NPY2R: variants seen among roughly 807,000 people sequenced by gnomAD.
NPY2R encodes the protein neuropeptide Y receptor type 2.
NPY2R carries 17 observed loss-of-function variants against 22.3 expected under a neutral mutation model. The ratio of observed to expected loss-of-function variants is 0.76; its 90% CI spans 0.52 to 1.14. The LOEUF is 1.14. Among genes scored for constraint, NPY2R ranks in the 50% most tolerant of loss-of-function variants. The pLI, the probability that NPY2R is intolerant of heterozygous loss-of-function variation, is 0.00. For synonymous variants in NPY2R, 209 were observed against 183.4 expected (o/e 1.14, Z -1.13); for missense variants, 424 against 467.9 (o/e 0.91, Z 0.87).
chr4:155,212,336 AATAC>A (rs1296589250), intron 1 of NPY2R, among the ~76,000 whole-genome samples: 1 of 152,210 alleles, frequency 6.6e-6, no homozygotes, highest in Admixed American at 6.5e-5. Context: ...ATATTAAAAA[AATAC>A]ATCGTAATTG....
chr4:155,202,893 A>G, the NPY2R span, among the ~76,000 whole-genome samples: 94 of 152,258 alleles, frequency 6.2e-4, 2 homozygotes, highest in South Asian at 0.012. Context: ...CTCTTTAGCC[A>G]TGGGTCTTCT....
chr4:155,185,899 G>GTTT, the NPY2R span, among the ~76,000 whole-genome samples: 10 of 151,346 alleles, frequency 6.6e-5, no homozygotes, highest in East Asian at 3.9e-4. Context: ...AGTGAAATGT[G>GTTT]TTTTTTTTGG....
chr4:155,205,804 GCTATCTAT>G (rs3836609), upstream of NPY2R, among the ~76,000 whole-genome samples: 4,331 of 147,010 alleles, frequency 0.029, 85 homozygotes, highest in African/African-American at 0.062. Context: ...GAGTCAGGCT[GCTATCTAT>G]CTATCTATCT....
chr4:155,201,992 A>G, the NPY2R span, among the ~76,000 whole-genome samples: 215 of 152,260 alleles, frequency 1.4e-3, 1 homozygote, highest in African/African-American at 4.9e-3. Context: ...TAATTTATCA[A>G]TTAAATAGAT....
chr4:155,197,962 A>G, the NPY2R span, among the ~76,000 whole-genome samples: 1 of 151,978 alleles, frequency 6.6e-6, no homozygotes, highest in Non-Finnish European at 1.5e-5. Flanking sequence ...TTCTACTCTC[A>G]TTTCCTCTTC....
chr4:155,201,939 G>A, the NPY2R span, among the ~76,000 whole-genome samples: 39 of 152,060 alleles, frequency 2.6e-4, no homozygotes, highest in Admixed American at 1.1e-3. Flanking sequence ...TTCACATTTG[G>A]GATCCTACTT....
chr4:155,177,969 C>T, the NPY2R span, among the ~76,000 whole-genome samples: 1 of 152,180 alleles, frequency 6.6e-6, no homozygotes, highest in African/African-American at 2.4e-5. Context: ...TATGGCATTT[C>T]TGCTTACTCT....
At chr4:155,194,139 G>A in the NPY2R span, among the ~76,000 whole-genome samples, 3 of 151,896 alleles carry the variant, frequency 2.0e-5, no homozygotes, top group Non-Finnish European at 4.4e-5. Flanking sequence ...TAGAAAAATG[G>A]AAGCAGATGG....
At chr4:155,174,440 T>G in the NPY2R span, among the ~76,000 whole-genome samples, 1 of 137,478 alleles carries the variant, frequency 7.3e-6, no homozygotes, top group Non-Finnish European at 1.5e-5. Context: ...ACAAGGAAAT[T>G]TGGCATATCA....
the NPY2R span, among the ~76,000 whole-genome samples, chr4:155,179,165 A>G: frequency 6.6e-6 from 1 of 152,138 alleles, no homozygotes; most frequent in East Asian, 1.9e-4. Flanking sequence ...GACAACCCTG[A>G]GAATATTCAA....
intron 1 of NPY2R, among the ~76,000 whole-genome samples, chr4:155,209,667 T>C (rs1222752085): frequency 1.3e-5 from 2 of 152,194 alleles, no homozygotes; most frequent in Non-Finnish European, 2.9e-5. Flanking sequence ...TGTAGCATTC[T>C]TGAAACTTCC....
chr4:155,191,549 C>T, the NPY2R span, among the ~76,000 whole-genome samples: 6 of 151,812 alleles, frequency 4.0e-5, no homozygotes, highest in African/African-American at 7.3e-5. Context: ...TGCCAAAACA[C>T]GTTTCACATT....
chr4:155,200,429 G>T, the NPY2R span, among the ~76,000 whole-genome samples: 1 of 152,168 alleles, frequency 6.6e-6, no homozygotes, highest in Non-Finnish European at 1.5e-5. Flanking sequence ...TTCAAACATT[G>T]TGGAAGACAG....
chr4:155,193,731 C>A, the NPY2R span, among the ~76,000 whole-genome samples: 2 of 152,016 alleles, frequency 1.3e-5, no homozygotes, highest in South Asian at 2.1e-4. Flanking sequence ...ATATTTGGAA[C>A]ACTCACTATC....
Position 155,214,891 on chromosome 4 carries a change from A to T in NPY2R, c.952A>T (p.Thr318Ser), listed in dbSNP as rs2111047235. Residue 318 changes from threonine (T) to serine (S), a missense_variant, in exon 2 of 2, where the codon ACT becomes TCT. Transcript: ENST00000329476. Reference sequence around the variant, plus strand: ...GTTCCACATCATCGCCATGTGCTCCACTTTTGCCAATCCCCTTCTCTATGG... The same window carrying T: ...GTTCCACATCATCGCCATGTGCTCCTCTTTTGCCAATCCCCTTCTCTATGG... Reference protein sequence around the residue: ...TVFHIIAMCSTFANPLLYGWM... With the variant: ...TVFHIIAMCSSFANPLLYGWM... 1.2e-6 allele frequency: 2 copies of T among 1,612,496 alleles called. No individual in the cohort carries two copies. Among genetic ancestry groups the T allele is most frequent in the Non-Finnish European group, 1.7e-6 (2 of 1,178,884 alleles).
the NPY2R span, among the ~76,000 whole-genome samples, chr4:155,194,334 G>T: frequency 6.7e-6 from 1 of 149,992 alleles, no homozygotes; most frequent in Non-Finnish European, 1.5e-5. Flanking sequence ...GTGTACCAAT[G>T]ATTTCGTCAC....
chr4:155,186,572 C>A, the NPY2R span, among the ~76,000 whole-genome samples: 1 of 152,022 alleles, frequency 6.6e-6, no homozygotes, highest in Admixed American at 6.6e-5. Flanking sequence ...TTACCTGATA[C>A]GCTTGCTAAT....
chr4:155,175,198 C>T, the NPY2R span, among the ~76,000 whole-genome samples: 1 of 151,974 alleles, frequency 6.6e-6, no homozygotes, highest in African/African-American at 2.4e-5. Context: ...TGCAAAAAAA[C>T]AAGATTCGGT....
the NPY2R span, among the ~76,000 whole-genome samples, chr4:155,194,404 T>A: frequency 1.3e-5 from 2 of 151,882 alleles, no homozygotes; most frequent in Admixed American, 1.3e-4. Context: ...CCTCTCACCC[T>A]CCATCCTCAA....
Sources: allele counts gnomAD v4.1 joint callset (sites outside exome capture counted in the v4.1 genomes callset), GRCh38; gene constraint gnomAD v4.1.1; transcripts MANE v1.5; gene names NCBI Gene and HGNC (gene_info 2026-07-23, HGNC 2026-07-21).